KSR2: variants seen among roughly 807,000 people sequenced by gnomAD.
KSR2 encodes kinase suppressor of ras 2.
Under a neutral mutation model 107.8 loss-of-function variants are expected in KSR2, and 25 were observed. The observed-to-expected ratio is 0.23, with a 90% CI of 0.17 to 0.32. The LOEUF is 0.32. Ranked by LOEUF, KSR2 falls within the 10% of genes least tolerant of loss-of-function variation. The pLI is 1.00. For synonymous variants in KSR2, 480 were observed against 507.0 expected (o/e 0.95, Z 0.71); for missense variants, 887 against 1,268.9 (o/e 0.70, Z 4.57).
intron 8 of KSR2, among the ~76,000 whole-genome samples, chr12:117,557,998 C>T (rs1877825457): frequency 6.6e-6 from 1 of 152,200 alleles, no homozygotes; most frequent in Admixed American, 6.5e-5. Context: ...CCCAGGGCTG[C>T]TACTTCCCTA....
intron 3 of KSR2, among the ~76,000 whole-genome samples, chr12:117,793,972 CACACCA>C (rs1890439968): frequency 1.5e-5 from 2 of 132,462 alleles, no homozygotes; most frequent in East Asian, 2.5e-4. Context: ...AACATGCACA[CACACCA>C]TGCACACATA....
intron 14 of KSR2, among the ~76,000 whole-genome samples, chr12:117,490,676 A>C (rs947913451): frequency 6.6e-6 from 1 of 152,082 alleles, no homozygotes; most frequent in African/African-American, 2.4e-5. Flanking sequence ...GATTACAGAC[A>C]TGAGCCGCTG....
intron 1 of KSR2, among the ~76,000 whole-genome samples, chr12:117,964,893 G>A (rs1896747020): frequency 1.3e-5 from 2 of 152,128 alleles, no homozygotes; most frequent in Admixed American, 1.3e-4. Flanking sequence ...CTGACTATGT[G>A]CCATGGCTGC....
intron 14 of KSR2, among the ~76,000 whole-genome samples, chr12:117,501,379 A>G (rs558860690): frequency 3.7e-4 from 56 of 152,336 alleles, no homozygotes; most frequent in African/African-American, 1.3e-3. Flanking sequence ...GCCAACAGAA[A>G]TTGGGCTACT....
chr12:117,873,780 G>A (rs1893740298), intron 1 of KSR2, among the ~76,000 whole-genome samples: 1 of 152,130 alleles, frequency 6.6e-6, no homozygotes, highest in Non-Finnish European at 1.5e-5. Flanking sequence ...TCAAAATACA[G>A]ACAACAAGGG....
At position 117,461,267 on chromosome 12, in the gene KSR2, A is replaced by C. The variant is rs1226044387; in HGVS notation, c.*5932T>G. ...AGCCTGGGTGACAGAGCAAGACTCT[A>C]ACTCTAAACCACAACAACAAACCTA... On this transcript the variant is annotated 3_prime_UTR_variant, in exon 20 of 20. Transcript: ENST00000339824. 6.6e-6 allele frequency: 1 copy of C among 152,230 alleles called. No homozygotes were observed. The highest frequency in any genetic ancestry group is 1.5e-5 in the Non-Finnish European group (1 of 68,128). 9.4% of individuals were successfully genotyped at this position (152,230 alleles called of 1,614,324 possible). A position where few individuals can be genotyped will look rare whatever the true frequency, so the allele number is the denominator to read the frequency against.
intron 9 of KSR2, among the ~76,000 whole-genome samples, chr12:117,540,570 C>T (rs1319844038): frequency 1.3e-5 from 2 of 152,182 alleles, no homozygotes; most frequent in African/African-American, 4.8e-5. Context: ...ATCGTGGATT[C>T]GGGTGAGTCC....
intron 10 of KSR2, among the ~76,000 whole-genome samples, chr12:117,532,350 C>T (rs984491129): frequency 3.9e-5 from 6 of 152,172 alleles, no homozygotes; most frequent in Admixed American, 1.3e-4. Flanking sequence ...ATGGCTCCAT[C>T]ACTCCAACCT....
chr12:117,830,732 G>A (rs535737144), intron 3 of KSR2, among the ~76,000 whole-genome samples: 6 of 152,260 alleles, frequency 3.9e-5, no homozygotes, highest in East Asian at 3.9e-4. Flanking sequence ...GTTAGCAACC[G>A]ATTCCTCTAA....
chr12:117,769,116 A>G (rs1889346895), intron 3 of KSR2, among the ~76,000 whole-genome samples: 1 of 152,162 alleles, frequency 6.6e-6, no homozygotes, highest in Non-Finnish European at 1.5e-5. Flanking sequence ...ATGCAGCTGA[A>G]CCTTAACTTC....
chr12:117,898,444 C>T (rs1046247329), intron 1 of KSR2, among the ~76,000 whole-genome samples: 5 of 151,744 alleles, frequency 3.3e-5, no homozygotes, highest in African/African-American at 7.3e-5. Flanking sequence ...CTCAGCCTCC[C>T]GAGTAGTTGG....
In KSR2 at chr12:117,555,160, C is replaced by T. The variant is rs1877578983; in HGVS notation, c.1518+9G>A. On this transcript the variant is annotated intron_variant, in intron 9 of 19. Transcript: ENST00000339824. ...CACATGCCGAGACCCAGGGGAAGCC[C>T]AGCCTTACCTTGTTGATTTTGTTGG... The T allele has an allele frequency of 6.2e-7, 1 of 1,613,660 alleles. No homozygotes were observed. Among genetic ancestry groups the T allele is most frequent in the African/African-American group, 1.3e-5 (1 of 74,902 alleles).
intron 1 of KSR2, among the ~76,000 whole-genome samples, chr12:117,921,607 T>G (rs1024457192): frequency 6.6e-6 from 1 of 151,888 alleles, no homozygotes; most frequent in Non-Finnish European, 1.5e-5. Flanking sequence ...TCCAGGGAGG[T>G]TACTTCACGT....
At chr12:117,959,455 C>T (rs1896600909) in intron 1 of KSR2, among the ~76,000 whole-genome samples, 1 of 152,174 alleles carries the variant, frequency 6.6e-6, no homozygotes, top group Admixed American at 6.5e-5. Flanking sequence ...CCACCTGCCC[C>T]ATCCACCCCA....
intron 3 of KSR2, among the ~76,000 whole-genome samples, chr12:117,797,046 G>A (rs779513482): frequency 9.9e-5 from 15 of 152,186 alleles, no homozygotes; most frequent in Non-Finnish European, 2.1e-4. Context: ...CCATGCGGAT[G>A]GGGAAGAGAT....
At chr12:117,745,957 C>T (rs534721723) in intron 4 of KSR2, among the ~76,000 whole-genome samples, 4 of 152,284 alleles carry the variant, frequency 2.6e-5, no homozygotes, top group African/African-American at 9.6e-5. Flanking sequence ...GAAAAACATT[C>T]CATGTTCATG....
intron 5 of KSR2, among the ~76,000 whole-genome samples, chr12:117,619,957 C>T (rs190996994): frequency 0.02 from 3,100 of 152,178 alleles, 107 homozygotes; most frequent in African/African-American, 0.071. Flanking sequence ...ATTCCCAACT[C>T]TAGCCCCAGA....
At chr12:117,780,488 T>C (rs1179122061) in intron 3 of KSR2, among the ~76,000 whole-genome samples, 2 of 152,182 alleles carry the variant, frequency 1.3e-5, no homozygotes, top group African/African-American at 4.8e-5. Context: ...TATTTCCACT[T>C]ACATAAGGTA....
chr12:117,649,060 C>T (rs1270886909), intron 5 of KSR2, among the ~76,000 whole-genome samples: 2 of 152,192 alleles, frequency 1.3e-5, no homozygotes, highest in African/African-American at 4.8e-5. Flanking sequence ...ACACACCTCC[C>T]AACAATCAAC....
Sources: allele counts gnomAD v4.1 joint callset (sites outside exome capture counted in the v4.1 genomes callset), GRCh38; gene constraint gnomAD v4.1.1; transcripts MANE v1.5; gene names NCBI Gene and HGNC (gene_info 2026-07-23, HGNC 2026-07-21).